CSMD1: variants seen among roughly 807,000 people sequenced by gnomAD.
CSMD1 encodes the protein CUB and Sushi multiple domains 1, also known as CUB and sushi domain-containing protein 1.
CSMD1 carries 213 observed loss-of-function variants against 417.5 expected under a neutral mutation model. The observed-to-expected ratio is 0.51, with a 90% CI of 0.46 to 0.57. CSMD1 has a LOEUF of 0.57. Ranked by LOEUF, CSMD1 falls within the 20% of genes least tolerant of loss-of-function variation. The pLI is 0.00. For missense variants in CSMD1, 6,923 were observed against 4,529.7 expected, an observed-to-expected ratio of 1.53 and a Z score of -15.17; for synonymous variants, 2,862 against 1,736.8, an observed-to-expected ratio of 1.65 and a Z score of -16.11.
At chr8:4,601,244 C>T (rs1427203750) in intron 2 of CSMD1, among the ~76,000 whole-genome samples, 1 of 152,196 alleles carries the variant, frequency 6.6e-6, no homozygotes, top group Admixed American at 6.5e-5. Context: ...GCGTGAGCCA[C>T]CGCACCTGGC....
chr8:4,602,036 C>T (rs1240990942), intron 2 of CSMD1, among the ~76,000 whole-genome samples: 3 of 152,048 alleles, frequency 2.0e-5, no homozygotes, highest in Non-Finnish European at 4.4e-5. Context: ...CAGGCATTCC[C>T]CAAGAAGAAT....
chr8:3,049,905 A>G (rs564799704), intron 50 of CSMD1, among the ~76,000 whole-genome samples: 333 of 152,170 alleles, frequency 2.2e-3, no homozygotes, highest in African/African-American at 7.4e-3. Context: ...CTTCCATTCA[A>G]TTTTGCTGTG....
intron 3 of CSMD1, among the ~76,000 whole-genome samples, chr8:4,107,362 G>A (rs971279945): frequency 3.3e-5 from 5 of 152,178 alleles, no homozygotes; most frequent in Non-Finnish European, 4.4e-5. Context: ...AAAGCCACCT[G>A]TAGAGGATAA....
intron 11 of CSMD1, among the ~76,000 whole-genome samples, chr8:3,490,045 C>T (rs1162653184): frequency 2.6e-5 from 4 of 152,176 alleles, no homozygotes; most frequent in African/African-American, 9.7e-5. Context: ...CATATAAGTA[C>T]TCAAAAGTAT....
chr8:4,385,878 T>C (rs1055949067), intron 3 of CSMD1, among the ~76,000 whole-genome samples: 9 of 152,200 alleles, frequency 5.9e-5, no homozygotes, highest in Admixed American at 2.0e-4. Context: ...TGCTTAAAAA[T>C]TAATGCCAGA....
chr8:3,916,059 C>T lies in CSMD1; in HGVS notation c.818+81844G>A, dbSNP rs201447863. ...GACAAATGGGTAACATAATACTTTGCTTTTCAAAGTGTCTGCTCTGGAAGT... is the reference window on the plus strand; with the variant it reads ...GACAAATGGGTAACATAATACTTTGTTTTTCAAAGTGTCTGCTCTGGAAGT... On this transcript the variant is annotated intron_variant, in intron 5 of 69. Transcript: ENST00000635120. Among the ~76,000 whole-genome samples the T allele has an allele frequency of 4.6e-5, 7 of 151,696 alleles. No individual in the cohort carries two copies. The East Asian group carries it at 9.8e-4, about 21-fold the overall frequency.
chr8:3,131,287 T>C (rs1817778031), intron 41 of CSMD1, among the ~76,000 whole-genome samples: 1 of 151,820 alleles, frequency 6.6e-6, no homozygotes, highest in Admixed American at 6.6e-5. Context: ...TGCACATGTA[T>C]ACATATGTAA....
At chr8:3,164,199 G>T (rs927629737) in intron 37 of CSMD1, among the ~76,000 whole-genome samples, 1 of 152,216 alleles carries the variant, frequency 6.6e-6, no homozygotes, top group Non-Finnish European at 1.5e-5. Flanking sequence ...AGAATGGAAA[G>T]CAGTGGTACA....
intron 3 of CSMD1, among the ~76,000 whole-genome samples, chr8:4,160,362 G>A (rs190855031): frequency 1.1e-4 from 17 of 152,232 alleles, no homozygotes; most frequent in African/African-American, 3.6e-4. Context: ...AAGTAATGAA[G>A]CCAACTTTGG....
intron 1 of CSMD1, among the ~76,000 whole-genome samples, chr8:4,683,162 T>C (rs1332214131): frequency 1.3e-5 from 2 of 151,780 alleles, no homozygotes; most frequent in East Asian, 1.9e-4. Flanking sequence ...CTGTTAATGT[T>C]TTTACAAATT....
chr8:4,115,629 T>A (rs1320786210), intron 3 of CSMD1, among the ~76,000 whole-genome samples: 1 of 152,226 alleles, frequency 6.6e-6, no homozygotes, highest in African/African-American at 2.4e-5. Context: ...ACTCCACACT[T>A]ACCTGAATGT....
intron 3 of CSMD1, among the ~76,000 whole-genome samples, chr8:4,324,613 T>A (rs1479074112): frequency 6.6e-6 from 1 of 152,158 alleles, no homozygotes; most frequent in East Asian, 1.9e-4. Flanking sequence ...TCAGTGGCCA[T>A]TTATGACCTC....
intron 5 of CSMD1, among the ~76,000 whole-genome samples, chr8:3,797,069 A>G (rs965367097): frequency 6.6e-6 from 1 of 151,934 alleles, no homozygotes; most frequent in Non-Finnish European, 1.5e-5. Flanking sequence ...TGTATCACTT[A>G]TTAAGATGGA....
At position 4,634,754 on chromosome 8, in the gene CSMD1, C is replaced by T. The variant is rs182975319; in HGVS notation, c.302+2588G>A. Among the ~76,000 whole-genome samples, 7 of 152,280 alleles carry T rather than the reference C, an allele frequency of 4.6e-5. No homozygotes were observed. In the South Asian group the frequency reaches 6.2e-4, roughly 14 times the overall value. On this transcript the variant is annotated intron_variant, in intron 2 of 69. Transcript: ENST00000635120. Reference sequence around the variant, plus strand: ...AATTAGAATTTGCTACTATTTATAACTACTTTCCCCATCAACTCATCCTGA... The same window carrying T: ...AATTAGAATTTGCTACTATTTATAATTACTTTCCCCATCAACTCATCCTGA...
At chr8:3,794,606 A>G (rs998271162) in intron 5 of CSMD1, among the ~76,000 whole-genome samples, 19 of 122,660 alleles carry the variant, frequency 1.5e-4, no homozygotes, top group African/African-American at 4.5e-4. Flanking sequence ...TTTTCTCGAT[A>G]TATTAATAAT....
intron 1 of CSMD1, among the ~76,000 whole-genome samples, chr8:4,966,209 C>CAAAAAAAAAAAAAAAAA (rs33941630): frequency 3.4e-5 from 3 of 89,122 alleles, no homozygotes; most frequent in Middle Eastern, 6.6e-3. Context: ...ACTAAATATA[C>CAAAAAAAAAAAAAAAAA]AAAAAAAAAA....
intron 3 of CSMD1, among the ~76,000 whole-genome samples, chr8:4,164,732 T>TA (rs1263221828): frequency 6.6e-6 from 1 of 152,010 alleles, no homozygotes; most frequent in East Asian, 1.9e-4. Context: ...TAAAAGTATT[T>TA]AAAAAATACA....
intron 7 of CSMD1, among the ~76,000 whole-genome samples, chr8:3,704,302 T>C (rs1298901663): frequency 6.6e-6 from 1 of 152,094 alleles, no homozygotes; most frequent in Admixed American, 6.5e-5. Context: ...TTCTGTTCTT[T>C]GCGTGATTAG....
intron 37 of CSMD1, among the ~76,000 whole-genome samples, chr8:3,178,948 CTTTTTTT>C (rs11347913): frequency 7.4e-6 from 1 of 135,130 alleles, no homozygotes; most frequent in Non-Finnish European, 1.6e-5. Context: ...ATCTATATTT[CTTTTTTT>C]TTTTTTTTTT....
Sources: allele counts gnomAD v4.1 joint callset (sites outside exome capture counted in the v4.1 genomes callset), GRCh38; gene constraint gnomAD v4.1.1; transcripts MANE v1.5; gene names NCBI Gene and HGNC (gene_info 2026-07-23, HGNC 2026-07-21).